Variants in TENM1 observed in about 807,000 individuals in gnomAD.
The protein encoded by TENM1 is teneurin-1.
In TENM1, 35 loss-of-function variants were observed where a neutral mutation model predicts 174.8. The observed-to-expected ratio is 0.20, with a 90% CI of 0.15 to 0.27. The LOEUF is 0.27. Among genes scored for constraint, TENM1 ranks in the 10% least tolerant of loss-of-function variants. The pLI, the probability that TENM1 is intolerant of heterozygous loss-of-function variation, is 1.00. For missense variants in TENM1, 1,633 were observed against 2,130.1 expected, an observed-to-expected ratio of 0.77 and a Z score of 4.59; for synonymous variants, 781 against 798.7, an observed-to-expected ratio of 0.98 and a Z score of 0.37.
chrX:124,973,243 G>C, the TENM1 span, among the ~76,000 whole-genome samples: 1 of 111,409 alleles, frequency 9.0e-6, no homozygotes, highest in African/African-American at 3.3e-5. Flanking sequence ...TGAGGTCTCT[G>C]TTCTGTTCCA....
chrX:124,555,268 C>A (rs2148143190), intron 14 of TENM1, among the ~76,000 whole-genome samples: 1 of 111,626 alleles, frequency 9.0e-6, no homozygotes, highest in South Asian at 3.8e-4. Flanking sequence ...ATGCTGTTTC[C>A]TCTGTCTGGA....
rs139015329 is a variant in TENM1 at position 124,779,350 on chromosome X, G to A, written c.536-42153C>T. 8.2e-3 allele frequency among the ~76,000 whole-genome samples: 915 copies of A among 111,753 alleles called. 7 individuals are homozygous for A. The highest frequency in any genetic ancestry group is 0.026 in the African/African-American group (812 of 30,817). ...AGTGCACGATTTTCTTATAAGTCCC[G>A]ATTGCAGTGCTTTTTACCATACATT... On this transcript the variant is annotated intron_variant, in intron 3 of 31. Coordinates refer to ENST00000422452, the Ensembl canonical transcript of TENM1.
the TENM1 span, among the ~76,000 whole-genome samples, chrX:125,020,869 T>C: frequency 9.0e-6 from 1 of 111,726 alleles, no homozygotes; most frequent in African/African-American, 3.2e-5. Context: ...TGTAAGCTTT[T>C]AGCCCTAAAA....
chrX:124,615,090 C>T (rs1048919797), intron 11 of TENM1, among the ~76,000 whole-genome samples: 3 of 111,858 alleles, frequency 2.7e-5, no homozygotes, highest in East Asian at 5.6e-4. Flanking sequence ...TGGAAGAAGA[C>T]GGCAAAGTGT....
chrX:124,587,226 G>A lies in TENM1; in HGVS notation c.2078-21666C>T, dbSNP rs2049553130. On this transcript the variant is annotated intron_variant, in intron 11 of 31. Coordinates refer to ENST00000422452, the Ensembl canonical transcript of TENM1. ...ATGGAACCAAAAAAGAGCCCGCATT[G>A]CCAAGTCAATCCTAAGCCAAATGAA... is the stretch of plus-strand genomic sequence containing the variant. 2.7e-5 allele frequency among the ~76,000 whole-genome samples: 3 copies of A among 110,524 alleles called. No individual in the cohort carries two copies. In the South Asian group the frequency reaches 1.2e-3, roughly 43 times the overall value.
At chrX:124,549,947 G>T (rs1398706089) in intron 14 of TENM1, among the ~76,000 whole-genome samples, 1 of 107,610 alleles carries the variant, frequency 9.3e-6, no homozygotes, top group Non-Finnish European at 1.9e-5. Context: ...ATTGGAAGCT[G>T]TGGCACCCTA....
the TENM1 span, among the ~76,000 whole-genome samples, chrX:125,049,817 G>T: frequency 9.0e-6 from 1 of 110,707 alleles, no homozygotes; most frequent in East Asian, 2.8e-4. Flanking sequence ...TTGGTCATTT[G>T]TGTGTTTTCT....
chrX:124,894,178 C>A (rs1167157452), intron 3 of TENM1, 118 bp downstream of exon 6: 1 of 503,365 alleles, frequency 2.0e-6, no homozygotes, highest in Non-Finnish European at 3.4e-6. Context: ...CTGACAGGTT[C>A]ATTGAGCAGG....
At chrX:124,610,060 A>G (rs1017883889) in intron 11 of TENM1, among the ~76,000 whole-genome samples, 1 of 111,934 alleles carries the variant, frequency 8.9e-6, no homozygotes. Context: ...ACAATAGCTC[A>G]TAGTGCTTTC....
intron 3 of TENM1, among the ~76,000 whole-genome samples, chrX:124,836,280 T>G (rs1180635888): frequency 9.0e-6 from 1 of 111,574 alleles, no homozygotes; most frequent in Non-Finnish European, 1.9e-5. Context: ...CCCCTTTTGC[T>G]GTTAGTGTCT....
chrX:125,192,699 TG>T, the TENM1 span, among the ~76,000 whole-genome samples: 1 of 111,862 alleles, frequency 8.9e-6, no homozygotes, highest in Non-Finnish European at 1.9e-5. Context: ...GACTAACATT[TG>T]GGACTTGAAA....
At chrX:124,801,550 CTG>C (rs1366144317) in intron 3 of TENM1, among the ~76,000 whole-genome samples, 1 of 111,840 alleles carries the variant, frequency 8.9e-6, no homozygotes, top group Non-Finnish European at 1.9e-5. Context: ...ATTTGCCAGT[CTG>C]TGTCTTTTAA....
Position 124,803,531 on chromosome X carries a change from C to G in TENM1, c.536-66334G>C, listed in dbSNP as rs144751755. ...TCCTCTCTATCCAAACTGTACTCATCCTGCTCCATCATGAATTCTAATGGC... is the reference window on the plus strand; with the variant it reads ...TCCTCTCTATCCAAACTGTACTCATGCTGCTCCATCATGAATTCTAATGGC... On this transcript the variant is annotated intron_variant, in intron 3 of 31. Transcript: ENST00000422452. 8.3e-3 allele frequency among the ~76,000 whole-genome samples: 936 copies of G among 112,130 alleles called. 12 individuals carry two copies. Among genetic ancestry groups the G allele is most frequent in the African/African-American group, 0.028 (868 of 30,874 alleles).
chrX:124,583,870 G>A (rs1262270429), intron 11 of TENM1, among the ~76,000 whole-genome samples: 1 of 103,407 alleles, frequency 9.7e-6, no homozygotes, highest in African/African-American at 3.6e-5. Flanking sequence ...ACCAAGGCTC[G>A]AGAACTACGT....
At chrX:125,119,161 T>C in the TENM1 span, among the ~76,000 whole-genome samples, 3 of 112,076 alleles carry the variant, frequency 2.7e-5, no homozygotes, top group African/African-American at 9.7e-5. Context: ...TCAATTTTAA[T>C]ATGGAAGTTA....
the TENM1 span, among the ~76,000 whole-genome samples, chrX:125,162,160 G>A: frequency 9.0e-6 from 1 of 111,086 alleles, no homozygotes; most frequent in Non-Finnish European, 1.9e-5. Context: ...ATTATGAGGG[G>A]CAAACTACTC....
chrX:124,527,649 T>TC (rs1354242750), intron 16 of TENM1, among the ~76,000 whole-genome samples: 1 of 106,019 alleles, frequency 9.4e-6, no homozygotes, highest in African/African-American at 3.5e-5. Context: ...TTTTCTTTTT[T>TC]CTTTTTTTTT....
At chrX:124,995,165 G>A in the TENM1 span, among the ~76,000 whole-genome samples, 1 of 110,838 alleles carries the variant, frequency 9.0e-6, no homozygotes, top group Admixed American at 9.7e-5. Flanking sequence ...TTTCCTCAGG[G>A]AAGTAGGTTC....
At chrX:124,491,955 C>G (rs1448067718) in intron 20 of TENM1, among the ~76,000 whole-genome samples, 2 of 111,658 alleles carry the variant, frequency 1.8e-5, no homozygotes, top group East Asian at 5.7e-4. Context: ...GAGAGCTACA[C>G]ATCTGTGGAT....
Sources: gnomAD v4.1 joint callset for allele counts (sites outside exome capture counted in the v4.1 genomes callset) on GRCh38, gnomAD v4.1.1 for gene constraint, MANE v1.5 for transcripts, NCBI Gene and HGNC (gene_info 2026-07-23, HGNC 2026-07-21) for gene names.